TTBK2: variants seen among roughly 807,000 people sequenced by gnomAD.
TTBK2 encodes tau-tubulin kinase 2.
Under a neutral mutation model 110.8 loss-of-function variants are expected in TTBK2, and 28 were observed. The ratio of observed to expected loss-of-function variants is 0.25; its 90% CI spans 0.19 to 0.35. The LOEUF is 0.35. Ranked by LOEUF, TTBK2 falls within the 10% of genes least tolerant of loss-of-function variation. The probability of loss-of-function intolerance (pLI) is 1.00; values close to 1 mark genes in which losing one functional copy is unlikely to be tolerated. For synonymous variants in TTBK2, 532 were observed against 527.3 expected, an observed-to-expected ratio of 1.01 and a Z score of -0.12; for missense variants, 1,369 against 1,500.3, an observed-to-expected ratio of 0.91 and a Z score of 1.45.
In TTBK2 at chr15:42,815,958, A is replaced by AAATAT. The variant is rs71108183; in HGVS notation, c.603+1073_603+1074insATATT. ...TATATATATATATATTTAAAAAAAA[A>AAATAT]ATATATATATATATATATATTTGAG... On this transcript the variant is annotated intron_variant, in intron 7 of 14. Transcript: ENST00000267890. Among the ~76,000 whole-genome samples the AAATAT allele has an allele frequency of 3.3e-4, 30 of 91,694 alleles. 2 individuals carry two copies. Among genetic ancestry groups the AAATAT allele is most frequent in the African/African-American group, 1.8e-3 (29 of 16,142 alleles). 60.2% of individuals were successfully genotyped at this position (91,694 alleles called of 152,430 possible).
At chr15:42,802,080 G>T in intron 9 of TTBK2, 2 of 1,463,254 alleles carry the variant, frequency 1.4e-6, no homozygotes, top group Non-Finnish European at 9.5e-7. Context: ...GCTGCTCCAG[G>T]AACCGTACCT....
chr15:42,887,409 C>T (rs920920599), intron 1 of TTBK2, among the ~76,000 whole-genome samples: 4 of 152,126 alleles, frequency 2.6e-5, no homozygotes, highest in Admixed American at 1.3e-4. Flanking sequence ...ATAAATGATG[C>T]ACCCCTTGCC....
intron 9 of TTBK2, among the ~76,000 whole-genome samples, chr15:42,808,078 C>A (rs1595933646): frequency 6.6e-6 from 1 of 152,242 alleles, no homozygotes; most frequent in East Asian, 1.9e-4. Flanking sequence ...TACAGATAAA[C>A]TTGATGTAAT....
intron 13 of TTBK2, among the ~76,000 whole-genome samples, chr15:42,759,394 G>C (rs559770605): frequency 2.6e-5 from 4 of 152,166 alleles, no homozygotes; most frequent in Non-Finnish European, 5.9e-5. Context: ...CCTGCGCCTT[G>C]GACCTGAGAA....
In TTBK2 at chr15:42,745,494, C is replaced by T. The variant is rs896025894; in HGVS notation, c.*301G>A. On this transcript the variant is annotated 3_prime_UTR_variant, in exon 15 of 15. Transcript: ENST00000267890. Reference sequence around the variant, plus strand: ...CTAAAATTCCATTCTATCTCCTATCCTCAACTCTTTTGTTTCAAAGGCAGC... The same window carrying T: ...CTAAAATTCCATTCTATCTCCTATCTTCAACTCTTTTGTTTCAAAGGCAGC... 2 of 407,174 alleles carry T rather than the reference C, an allele frequency of 4.9e-6. No individual in the cohort carries two copies. Among genetic ancestry groups the T allele is most frequent in the Non-Finnish European group, 4.5e-6 (1 of 220,270 alleles). The allele number at this position is 407,174 out of a possible 1,614,324, so 25.2% of individuals were successfully genotyped here.
chr15:42,878,075 C>T (rs1316327159), intron 2 of TTBK2, among the ~76,000 whole-genome samples: 3 of 147,714 alleles, frequency 2.0e-5, no homozygotes, highest in Admixed American at 1.3e-4. Context: ...CCCGGGTTCA[C>T]GCCATTCTCC....
At chr15:42,824,618 G>C (rs1047421976) in intron 6 of TTBK2, among the ~76,000 whole-genome samples, 1 of 152,058 alleles carries the variant, frequency 6.6e-6, no homozygotes, top group African/African-American at 2.4e-5. Flanking sequence ...ATTACATATT[G>C]ATCAGCCAAC....
intron 1 of TTBK2, among the ~76,000 whole-genome samples, chr15:42,907,711 A>G (rs575897161): frequency 6.6e-6 from 1 of 152,272 alleles, no homozygotes; most frequent in Admixed American, 6.5e-5. Flanking sequence ...AAATGTATTT[A>G]TTGTTACTAA....
intron 13 of TTBK2, among the ~76,000 whole-genome samples, chr15:42,769,501 C>G (rs374630465): frequency 6.6e-6 from 1 of 152,028 alleles, no homozygotes; most frequent in Non-Finnish European, 1.5e-5. Context: ...AACAGACACA[C>G]GAAAAAATGC....
rs767867218 is a variant in TTBK2 at position 42,775,186 on chromosome 15, T to C, written c.1947A>G (p.Ala649=). The stretch of plus-strand genomic sequence containing the variant: ...CCTCCATTAGACTTGTGGGCGTCGC[T>C]GCAATAAACTGACTAGCAGCTCCAG... The part of the protein sequence containing the change: ...LQPGAASQFI[A]ATPTSLMEAQ... Residue 649 remains alanine (A), a synonymous_variant, in exon 13 of 15, where the codon GCA becomes GCG. Transcript: ENST00000267890. The C allele has an allele frequency of 6.2e-7, 1 of 1,614,216 alleles. No homozygotes were observed. Among genetic ancestry groups the C allele is most frequent in the Non-Finnish European group, 8.5e-7 (1 of 1,180,036 alleles).
chr15:42,915,333 C>CAGTATAGCAGTGCTTGTGTTCA (rs1156260421), intron 1 of TTBK2, among the ~76,000 whole-genome samples: 1 of 152,208 alleles, frequency 6.6e-6, no homozygotes, highest in African/African-American at 2.4e-5. Flanking sequence ...ATCACTGTCT[C>CAGTATAGCAGTGCTTGTGTTCA]AGTATAGCAG....
intron 10 of TTBK2, 152 bp from the exon 11 acceptor site, chr15:42,783,787 C>A (rs1022695808): frequency 3.8e-5 from 27 of 708,908 alleles, no homozygotes; most frequent in Non-Finnish European, 5.9e-5. Flanking sequence ...GTTGGCCGGG[C>A]ATGGTGGCTT....
At chr15:42,893,110 A>G (rs941200743) in intron 1 of TTBK2, among the ~76,000 whole-genome samples, 9 of 152,212 alleles carry the variant, frequency 5.9e-5, no homozygotes, top group Non-Finnish European at 1.2e-4. Context: ...CAGGCAAATT[A>G]GAAAATATTT....
In TTBK2 at chr15:42,746,224, G is replaced by A; in HGVS notation, c.3306C>T (p.Asn1102=). ...GGCGGGAGAAAAGGTCTGAGTCGGA[G>A]TTACTACTCCCTAGGACTTTATATC... The part of the protein sequence containing the change: ...LRRYKVLGSS[N]SDSDLFSRLA... The change falls in exon 15 of 15, where the codon AAC becomes AAT. Residue 1102 remains asparagine, a synonymous_variant. Transcript: ENST00000267890. The A allele has an allele frequency of 1.2e-6, 2 of 1,614,076 alleles. No individual in the cohort carries two copies. Among genetic ancestry groups the A allele is most frequent in the Non-Finnish European group, 1.7e-6 (2 of 1,179,976 alleles).
In TTBK2 at chr15:42,812,029, T is replaced by C. The variant is rs533713475; in HGVS notation, c.604-249A>G. Among the ~76,000 whole-genome samples, 4 of 152,324 alleles carry C rather than the reference T, an allele frequency of 2.6e-5. No homozygotes were observed. In the South Asian group the frequency reaches 8.3e-4, roughly 32 times the overall value. The stretch of plus-strand genomic sequence containing the variant: ...CTCCAAAACATAGAAATGGTGGAAG[T>C]AATATAACAGCCCATTAGTTAATGT... On this transcript the variant is annotated intron_variant, in intron 7 of 14. Coordinates refer to ENST00000267890, the MANE Select transcript of TTBK2 (RefSeq NM_173500.4).
chr15:42,912,439 G>T (rs947954925), intron 1 of TTBK2, among the ~76,000 whole-genome samples: 1 of 152,218 alleles, frequency 6.6e-6, no homozygotes, highest in Non-Finnish European at 1.5e-5. Flanking sequence ...AGGCCTGATG[G>T]CTCACACATG....
chr15:42,800,368 C>A (rs561000042), intron 9 of TTBK2: 1 of 396,066 alleles, frequency 2.5e-6, no homozygotes, highest in Non-Finnish European at 4.8e-6. Flanking sequence ...CTGACATACA[C>A]ACAATGCCTT....
At chr15:42,919,895 GTGTCAACA>G (rs1319465814) in intron 1 of TTBK2, 1 of 809,336 alleles carries the variant, frequency 1.2e-6, no homozygotes, top group African/African-American at 1.9e-5. Flanking sequence ...GCATCCCAGG[GTGTCAACA>G]TCATCTCTGC....
At chr15:42,819,753 G>A (rs1488080766) in intron 6 of TTBK2, among the ~76,000 whole-genome samples, 3 of 152,192 alleles carry the variant, frequency 2.0e-5, no homozygotes, top group East Asian at 1.9e-4. Flanking sequence ...GAAGAAAATT[G>A]TCTAAGAGAA....
Sources: gnomAD v4.1 joint callset for allele counts (sites outside exome capture counted in the v4.1 genomes callset) on GRCh38, gnomAD v4.1.1 for gene constraint, MANE v1.5 for transcripts, NCBI Gene and HGNC (gene_info 2026-07-23, HGNC 2026-07-21) for gene names.